PDGFD: variants seen among roughly 807,000 people sequenced by gnomAD.
PDGFD encodes the protein platelet derived growth factor D, also known as platelet-derived growth factor D.
A neutral mutation model predicts 44.7 loss-of-function variants in PDGFD; 30 were observed. That is an observed-to-expected ratio of 0.67 (90% confidence interval 0.50 to 0.91). PDGFD has a LOEUF of 0.91. Among genes scored for constraint, PDGFD ranks in the 40% least tolerant of loss-of-function variants. The pLI is 0.00. For missense variants in PDGFD, 445 were observed against 457.8 expected, an observed-to-expected ratio of 0.97 and a Z score of 0.25; for synonymous variants, 173 against 168.4, an observed-to-expected ratio of 1.03 and a Z score of -0.21.
At chr11:104,055,346 CT>C (rs1169920608) in intron 1 of PDGFD, among the ~76,000 whole-genome samples, 6 of 152,102 alleles carry the variant, frequency 3.9e-5, no homozygotes, top group Admixed American at 3.9e-4. Context: ...AAGTGGCTGG[CT>C]TAATAAATAT....
intron 1 of PDGFD, among the ~76,000 whole-genome samples, chr11:104,122,789 G>C (rs1380688522): frequency 6.6e-6 from 1 of 151,844 alleles, no homozygotes; most frequent in Non-Finnish European, 1.5e-5. Context: ...TTTAACTTCA[G>C]TTTTTGGACT....
chr11:103,955,182 A>AAAAC (rs1858822064), intron 3 of PDGFD, among the ~76,000 whole-genome samples: 1 of 58,398 alleles, frequency 1.7e-5, no homozygotes, highest in Non-Finnish European at 4.2e-5. Context: ...AAAAAAAAAA[A>AAAAC]AAAAAAAAAA....
chr11:104,106,900 C>T (rs1205758600), intron 1 of PDGFD, among the ~76,000 whole-genome samples: 1 of 151,954 alleles, frequency 6.6e-6, no homozygotes, highest in African/African-American at 2.4e-5. Flanking sequence ...TGTGCCACCA[C>T]GCCTGGCTAA....
At chr11:103,983,894 T>TA (rs1859312050) in intron 3 of PDGFD, among the ~76,000 whole-genome samples, 1 of 151,048 alleles carries the variant, frequency 6.6e-6, no homozygotes, top group African/African-American at 2.5e-5. Flanking sequence ...TAGTAAAAAG[T>TA]AAAAAAATAA....
At chr11:104,153,461 T>C (rs1314247880) in intron 1 of PDGFD, among the ~76,000 whole-genome samples, 1 of 152,136 alleles carries the variant, frequency 6.6e-6, no homozygotes. Flanking sequence ...ATGATAGAAA[T>C]ACAGGATAAA....
intron 3 of PDGFD, among the ~76,000 whole-genome samples, chr11:103,992,262 G>A (rs17101816): frequency 0.019 from 2,951 of 152,062 alleles, 44 homozygotes; most frequent in Middle Eastern, 0.051. Flanking sequence ...ACAAACACAC[G>A]GTCTAGCCAT....
intron 1 of PDGFD, among the ~76,000 whole-genome samples, chr11:104,148,385 T>A (rs1353070438): frequency 1.3e-5 from 2 of 152,160 alleles, no homozygotes; most frequent in African/African-American, 4.8e-5. Context: ...AGAGCTATAC[T>A]GTCCAAATTG....
In PDGFD at chr11:104,069,163, GTCTTTC is replaced by G. The variant is rs1412399491; in HGVS notation, c.125-68914_125-68909del. 3.9e-5 allele frequency among the ~76,000 whole-genome samples: 6 copies of G among 152,134 alleles called. No individual in the cohort carries two copies. The East Asian group carries it at 1.2e-3, about 29-fold the overall frequency. On this transcript the variant is annotated intron_variant, in intron 1 of 6. Coordinates refer to ENST00000393158, the MANE Select transcript of PDGFD (RefSeq NM_025208.5). ...TCTTTTAATCTGAAAGCGTTTCTGAGTCTTTCTCTTTCACGACACGGACACCTTTGA... is the reference window on the plus strand; with the variant it reads ...TCTTTTAATCTGAAAGCGTTTCTGAGTCTTTCACGACACGGACACCTTTGA...
intron 3 of PDGFD, among the ~76,000 whole-genome samples, chr11:103,955,246 T>C (rs1858825264): frequency 6.7e-6 from 1 of 148,524 alleles, no homozygotes; most frequent in African/African-American, 2.5e-5. Context: ...ATCCATTCTT[T>C]CAACAAATTC....
intron 5 of PDGFD, among the ~76,000 whole-genome samples, chr11:103,941,345 G>A (rs983146107): frequency 6.6e-6 from 1 of 152,020 alleles, no homozygotes; most frequent in African/African-American, 2.4e-5. Context: ...TGCAGCAGTA[G>A]GACATACAAA....
In PDGFD at chr11:104,022,791, G is replaced by A. The variant is rs527522583; in HGVS notation, c.125-22536C>T. Among the ~76,000 whole-genome samples the A allele has an allele frequency of 2.0e-5, 3 of 152,036 alleles. No homozygotes were observed. In the East Asian group the frequency reaches 5.8e-4, roughly 29 times the overall value. ...TATATTCATACAAAATTTAGTGTGT[G>A]TGTGTACATAGATATATATGTATAT... On this transcript the variant is annotated intron_variant, in intron 1 of 6. Coordinates refer to ENST00000393158, the MANE Select transcript of PDGFD (RefSeq NM_025208.5).
At chr11:104,163,339 T>G (rs140457136) in intron 1 of PDGFD, among the ~76,000 whole-genome samples, 258 of 152,078 alleles carry the variant, frequency 1.7e-3, no homozygotes, top group Middle Eastern at 6.8e-3. Flanking sequence ...ACGCACGATT[T>G]CTCCTCTCAC....
At chr11:104,143,873 ATTAT>A (rs1215513362) in intron 1 of PDGFD, among the ~76,000 whole-genome samples, 1 of 152,232 alleles carries the variant, frequency 6.6e-6, no homozygotes, top group Non-Finnish European at 1.5e-5. Context: ...CGCAGTTAAG[ATTAT>A]TTAAGGCAGC....
At chr11:104,039,899 T>C (rs749870222) in intron 1 of PDGFD, among the ~76,000 whole-genome samples, 5 of 152,248 alleles carry the variant, frequency 3.3e-5, no homozygotes, top group East Asian at 1.9e-4. Context: ...CCTTTAAAGT[T>C]AGCCACAGAA....
chr11:103,992,758 A>G (rs1238623021), intron 3 of PDGFD, among the ~76,000 whole-genome samples: 1 of 152,230 alleles, frequency 6.6e-6, no homozygotes, highest in Non-Finnish European at 1.5e-5. Context: ...ACAGTTTGCT[A>G]GAGTAAAAAA....
At chr11:104,069,183 G>A (rs112032022) in intron 1 of PDGFD, among the ~76,000 whole-genome samples, 7 of 152,178 alleles carry the variant, frequency 4.6e-5, no homozygotes, top group African/African-American at 1.7e-4. Flanking sequence ...TTCACGACAC[G>A]GACACCTTTG....
intron 1 of PDGFD, among the ~76,000 whole-genome samples, chr11:104,161,869 C>A (rs897108344): frequency 6.6e-6 from 1 of 151,822 alleles, no homozygotes; most frequent in Admixed American, 6.6e-5. Flanking sequence ...TGTGTAACTA[C>A]GTTTTTCTCC....
intron 1 of PDGFD, among the ~76,000 whole-genome samples, chr11:104,044,021 G>A (rs752188607): frequency 2.0e-5 from 3 of 152,096 alleles, no homozygotes; most frequent in Non-Finnish European, 4.4e-5. Context: ...CACAATAGGC[G>A]AACAACCAGC....
chr11:103,914,252 C>T (rs2408807), intron 6 of PDGFD, among the ~76,000 whole-genome samples: 69,605 of 151,908 alleles, frequency 0.46, 16,058 homozygotes, highest in South Asian at 0.49. Flanking sequence ...CTAGGGCAGG[C>T]ACAGAAGTAA....
Sources: allele counts gnomAD v4.1 joint callset (sites outside exome capture counted in the v4.1 genomes callset), GRCh38; gene constraint gnomAD v4.1.1; transcripts MANE v1.5; gene names NCBI Gene and HGNC (gene_info 2026-07-23, HGNC 2026-07-21).